Variants in MARK1 observed in about 807,000 individuals in gnomAD.
The protein encoded by MARK1 is serine/threonine-protein kinase MARK1.
A neutral mutation model predicts 96.3 loss-of-function variants in MARK1; 40 were observed. The observed-to-expected ratio is 0.42, with a 90% confidence interval of 0.32 to 0.54. The LOEUF (loss-of-function observed/expected upper bound fraction) is 0.54. MARK1 is among the 20% of genes least tolerant of loss of function. MARK1 has a pLI of 0.16. For missense variants in MARK1, 719 were observed against 984.6 expected (o/e 0.73, Z 3.61); for synonymous variants, 317 against 341.2 (o/e 0.93, Z 0.78).
intron 9 of MARK1, among the ~76,000 whole-genome samples, chr1:220,619,093 CAATA>C (rs1320288558): frequency 2.6e-5 from 4 of 152,096 alleles, no homozygotes; most frequent in African/African-American, 9.7e-5. Flanking sequence ...AGTAAGTACT[CAATA>C]AATATTTCAA....
At chr1:220,551,994 T>C (rs1167251889) in intron 1 of MARK1, among the ~76,000 whole-genome samples, 4 of 152,188 alleles carry the variant, frequency 2.6e-5, no homozygotes, top group Non-Finnish European at 5.9e-5. Flanking sequence ...CCTTATCCCA[T>C]AGGACATGGG....
intron 3 of MARK1, among the ~76,000 whole-genome samples, chr1:220,597,514 T>C (rs369322950): frequency 4.2e-4 from 64 of 152,328 alleles, no homozygotes; most frequent in African/African-American, 1.5e-3. Flanking sequence ...TTGTGTTCTT[T>C]TGACTATTGT....
In MARK1 at chr1:220,662,521, C is replaced by T. The variant is rs1441114513; in HGVS notation, c.*355C>T. The T allele has an allele frequency of 1.1e-5, 2 of 180,894 alleles. No individual in the cohort carries two copies. Among genetic ancestry groups the T allele is most frequent in the African/African-American group, 2.4e-5 (1 of 42,462 alleles). 11.2% of individuals were successfully genotyped at this position (180,894 alleles called of 1,614,324 possible). On this transcript the variant is annotated 3_prime_UTR_variant, in exon 18 of 18. Transcript: ENST00000366917. ...GATGCTTTGATTTGAAAATGTTCTT[C>T]CCTGTTATTTACATTCTGGTGGGTT...
intron 17 of MARK1, among the ~76,000 whole-genome samples, chr1:220,659,784 G>A (rs1184496051): frequency 1.3e-5 from 2 of 152,024 alleles, no homozygotes; most frequent in Non-Finnish European, 2.9e-5. Flanking sequence ...TATAACTTCA[G>A]AAAACTAATT....
chr1:220,544,749 C>T (rs1661366042), intron 1 of MARK1, among the ~76,000 whole-genome samples: 1 of 152,196 alleles, frequency 6.6e-6, no homozygotes, highest in Non-Finnish European at 1.5e-5. Flanking sequence ...GAAGCTGAGC[C>T]ACAGTACCAA....
intron 6 of MARK1, among the ~76,000 whole-genome samples, chr1:220,609,634 A>G (rs1168948081): frequency 6.6e-6 from 1 of 152,184 alleles, no homozygotes; most frequent in Non-Finnish European, 1.5e-5. Flanking sequence ...TAATTGATGC[A>G]GTTTCTTCAT....
At chr1:220,640,541 C>T (rs1418428916) in intron 13 of MARK1, among the ~76,000 whole-genome samples, 1 of 152,182 alleles carries the variant, frequency 6.6e-6, no homozygotes, top group Non-Finnish European at 1.5e-5. Context: ...TCATCACCCA[C>T]AACCATCACA....
chr1:220,604,965 G>A (rs948324365), intron 6 of MARK1, among the ~76,000 whole-genome samples: 1 of 151,898 alleles, frequency 6.6e-6, no homozygotes, highest in African/African-American at 2.4e-5. Flanking sequence ...AAAATGGCTC[G>A]CTACCTCTTC....
At chr1:220,582,721 A>T (rs886684826) in intron 3 of MARK1, among the ~76,000 whole-genome samples, 1 of 152,176 alleles carries the variant, frequency 6.6e-6, no homozygotes, top group African/African-American at 2.4e-5. Context: ...CATGAAACTG[A>T]ATGTTGCTTT....
chr1:220,608,185 G>A (rs962825463), intron 6 of MARK1, among the ~76,000 whole-genome samples: 5 of 152,098 alleles, frequency 3.3e-5, no homozygotes, highest in Non-Finnish European at 5.9e-5. Context: ...ATCTGGTCCC[G>A]GACTTTTTTT....
At chr1:220,569,686 A>G (rs527593922) in intron 1 of MARK1, among the ~76,000 whole-genome samples, 167 of 152,200 alleles carry the variant, frequency 1.1e-3, no homozygotes, top group African/African-American at 3.7e-3. Context: ...GAAGTGCTAA[A>G]TTTCACACTA....
intron 1 of MARK1, among the ~76,000 whole-genome samples, chr1:220,551,222 G>T (rs1288486252): frequency 6.6e-6 from 1 of 152,222 alleles, no homozygotes; most frequent in Non-Finnish European, 1.5e-5. Context: ...AGCTCCATGA[G>T]ACATGCCAGC....
intron 17 of MARK1, among the ~76,000 whole-genome samples, chr1:220,660,540 C>CT (rs547111990): frequency 3.3e-5 from 5 of 151,028 alleles, no homozygotes; most frequent in African/African-American, 1.2e-4. Flanking sequence ...TTTCAAGGGA[C>CT]TTTTTTTTTC....
At chr1:220,647,859 A>C (rs1668664504) in intron 13 of MARK1, among the ~76,000 whole-genome samples, 1 of 152,178 alleles carries the variant, frequency 6.6e-6, no homozygotes. Context: ...ACATGGACAC[A>C]GAGAGGGGAA....
intron 1 of MARK1, among the ~76,000 whole-genome samples, chr1:220,570,884 T>G (rs1663403090): frequency 6.6e-6 from 1 of 152,184 alleles, no homozygotes; most frequent in South Asian, 2.1e-4. Flanking sequence ...TTTCTCCCTT[T>G]GGATTTATGC....
At chr1:220,648,740 T>G (rs1165582322) in intron 13 of MARK1, among the ~76,000 whole-genome samples, 1 of 152,228 alleles carries the variant, frequency 6.6e-6, no homozygotes, top group Non-Finnish European at 1.5e-5. Context: ...ATTATGAGAT[T>G]ATCAAAAGCA....
chr1:220,603,535 T>C (rs1364508292), intron 5 of MARK1, among the ~76,000 whole-genome samples: 1 of 152,018 alleles, frequency 6.6e-6, no homozygotes, highest in Non-Finnish European at 1.5e-5. Context: ...TACTAGAATG[T>C]ATGAAATGAG....
At chr1:220,539,600 C>T (rs1453831713) in intron 1 of MARK1, among the ~76,000 whole-genome samples, 10 of 152,020 alleles carry the variant, frequency 6.6e-5, no homozygotes, top group Non-Finnish European at 1.2e-4. Flanking sequence ...TGAATTGTGT[C>T]AGTGCTTTTT....
chr1:220,536,986 T>A (rs1352412567), intron 1 of MARK1, among the ~76,000 whole-genome samples: 2 of 152,190 alleles, frequency 1.3e-5, no homozygotes, highest in African/African-American at 4.8e-5. Context: ...ATTGTTATTT[T>A]TTTTTTTCAG....
Sources: allele counts gnomAD v4.1 joint callset (sites outside exome capture counted in the v4.1 genomes callset), GRCh38; gene constraint gnomAD v4.1.1; transcripts MANE v1.5; gene names NCBI Gene and HGNC (gene_info 2026-07-23, HGNC 2026-07-21).